ARPC1A: variants seen among roughly 807,000 people sequenced by gnomAD.
ARPC1A encodes the protein actin related protein 2/3 complex subunit 1A.
In ARPC1A, 8 loss-of-function variants were observed where a neutral mutation model predicts 46.9. That is an observed-to-expected ratio of 0.17 (90% CI 0.10 to 0.31). The LOEUF (loss-of-function observed/expected upper bound fraction) is 0.31. Ranked by LOEUF, ARPC1A falls within the 10% of genes least tolerant of loss-of-function variation. ARPC1A has a pLI of 1.00. For missense variants in ARPC1A, 286 were observed against 483.6 expected, an observed-to-expected ratio of 0.59 and a Z score of 3.83; for synonymous variants, 152 against 169.0, an observed-to-expected ratio of 0.90 and a Z score of 0.78.
chr7:99,364,041 G>A (rs1018799352), intron 9 of ARPC1A, among the ~76,000 whole-genome samples: 8 of 152,136 alleles, frequency 5.3e-5, no homozygotes, highest in South Asian at 4.1e-4. Context: ...TGCAACCTCC[G>A]CCTCCCGGGT....
intron 2 of ARPC1A, among the ~76,000 whole-genome samples, chr7:99,336,156 T>C (rs543234277): frequency 6.6e-6 from 1 of 152,338 alleles, no homozygotes; most frequent in Admixed American, 6.5e-5. Context: ...CAAGCTATCA[T>C]TGTCCTCATT....
At chr7:99,364,735 T>C (rs1027463243) in intron 9 of ARPC1A, among the ~76,000 whole-genome samples, 5 of 152,166 alleles carry the variant, frequency 3.3e-5, no homozygotes, top group African/African-American at 1.2e-4. Flanking sequence ...TATATAGATA[T>C]ATATTTATAG....
chr7:99,340,043 G>A (rs1213972887), intron 3 of ARPC1A: 1 of 455,772 alleles, frequency 2.2e-6, no homozygotes, highest in Non-Finnish European at 4.4e-6. Context: ...TGGAAAAGTT[G>A]AGATACTTTC....
In ARPC1A at chr7:99,344,519, A is replaced by G. The variant is rs772373639; in HGVS notation, c.392+4A>G. On this transcript the variant is annotated splice_donor_region_variant and intron_variant, in intron 4 of 9. Coordinates refer to ENST00000262942, the MANE Select transcript of ARPC1A (RefSeq NM_006409.4). ...ACTTTGAGTCTGAAAATGACTGGTG[A>G]GTGACATCTGAATTTTTTCTATCCC... The G allele has an allele frequency of 1.1e-5, 18 of 1,613,520 alleles. No individual in the cohort carries two copies. Among genetic ancestry groups the G allele is most frequent in the African/African-American group, 1.3e-5 (1 of 74,892 alleles).
intron 3 of ARPC1A, among the ~76,000 whole-genome samples, chr7:99,342,041 GT>G (rs887111732): frequency 6.6e-6 from 1 of 152,100 alleles, no homozygotes; most frequent in African/African-American, 2.4e-5. Flanking sequence ...TAAGAAACAT[GT>G]TTTGTTACCA....
chr7:99,338,415 T>A, intron 3 of ARPC1A, 130 bp downstream of exon 3: 27 of 517,798 alleles, frequency 5.2e-5, no homozygotes, highest in Non-Finnish European at 8.5e-5. Flanking sequence ...AGAAGGAGTA[T>A]CACTCTTTCG....
intron 2 of ARPC1A, among the ~76,000 whole-genome samples, chr7:99,333,932 T>C (rs114359989): frequency 0.089 from 13,295 of 149,744 alleles, 1,487 homozygotes; most frequent in African/African-American, 0.26. Flanking sequence ...AGCTCAAGAG[T>C]TCAAGACCAA....
intron 1 of ARPC1A, among the ~76,000 whole-genome samples, chr7:99,327,448 C>CT (rs949197365): frequency 6.6e-6 from 1 of 151,460 alleles, no homozygotes; most frequent in African/African-American, 2.4e-5. Context: ...GTAGCTGTGA[C>CT]TACAGGCATG....
intron 1 of ARPC1A, among the ~76,000 whole-genome samples, chr7:99,327,653 G>C (rs1305204676): frequency 6.6e-6 from 1 of 151,916 alleles, no homozygotes; most frequent in Non-Finnish European, 1.5e-5. Context: ...AAAGTATTCA[G>C]AGATCTTCTG....
chr7:99,333,767 A>C (rs1326566751), intron 2 of ARPC1A, among the ~76,000 whole-genome samples: 1 of 152,148 alleles, frequency 6.6e-6, no homozygotes, highest in Non-Finnish European at 1.5e-5. Context: ...CTAGTTTTCT[A>C]GCTCCAGCAA....
chr7:99,365,785 G>C, intron 9 of ARPC1A, 106 bp from the exon 10 acceptor site: 1 of 1,242,242 alleles, frequency 8.0e-7, no homozygotes, highest in Non-Finnish European at 1.1e-6. Context: ...GCCAGGTTCA[G>C]GGTGGGGACA....
intron 1 of ARPC1A, among the ~76,000 whole-genome samples, chr7:99,329,083 G>A (rs1240643725): frequency 3.9e-5 from 6 of 152,004 alleles, no homozygotes; most frequent in South Asian, 2.1e-4. Context: ...GGCGGATCAC[G>A]AGGTCAGGAT....
chr7:99,338,413 T>G (rs1584376987), intron 3 of ARPC1A, 128 bp downstream of exon 3: 1,239 of 452,454 alleles, frequency 2.7e-3, no homozygotes, highest in Non-Finnish European at 3.5e-3. Context: ...TGAGAAGGAG[T>G]ATCACTCTTT....
intron 7 of ARPC1A, among the ~76,000 whole-genome samples, chr7:99,358,949 A>G (rs1314372857): frequency 6.6e-6 from 1 of 151,952 alleles, no homozygotes; most frequent in African/African-American, 2.4e-5. Flanking sequence ...CTCCTGCCTC[A>G]GCGTCCTGAG....
At chr7:99,354,915 C>G (rs915594681) in intron 6 of ARPC1A, among the ~76,000 whole-genome samples, 5 of 151,688 alleles carry the variant, frequency 3.3e-5, no homozygotes, top group Admixed American at 6.6e-5. Context: ...GAGTTTGAGA[C>G]CAGCCTGACT....
chr7:99,353,724 C>A (rs1385470150), intron 5 of ARPC1A, among the ~76,000 whole-genome samples, 185 bp from the exon 6 acceptor site: 1 of 151,760 alleles, frequency 6.6e-6, no homozygotes, highest in Non-Finnish European at 1.5e-5. Flanking sequence ...GGTGATCCAC[C>A]CACCTAGGCC....
At chr7:99,326,427 C>G (rs1247722957) in intron 1 of ARPC1A, among the ~76,000 whole-genome samples, 1 of 152,180 alleles carries the variant, frequency 6.6e-6, no homozygotes, top group Non-Finnish European at 1.5e-5. Context: ...TGCCTGCTCT[C>G]TAGGGCAGCC....
At chr7:99,329,218 G>A (rs1021920377) in intron 1 of ARPC1A, among the ~76,000 whole-genome samples, 8 of 151,386 alleles carry the variant, frequency 5.3e-5, no homozygotes, top group African/African-American at 1.7e-4. Flanking sequence ...GGAGAATGGC[G>A]TGAACCCGGG....
Position 99,342,134 on chromosome 7 carries a change from C to T in ARPC1A, c.170-2159C>T, listed in dbSNP as rs148159399. On this transcript the variant is annotated intron_variant, in intron 3 of 9. Transcript: ENST00000262942. The stretch of plus-strand genomic sequence containing the variant: ...CCCATCACCTGCATTCCACGATTAT[C>T]GAGTAACAGCCAATCTTGTTCTTCT... Among the ~76,000 whole-genome samples, 393 of 152,280 alleles carry T rather than the reference C, an allele frequency of 2.6e-3. 3 individuals are homozygous for T. Among genetic ancestry groups the T allele is most frequent in the African/African-American group, 9.2e-3 (381 of 41,558 alleles).
Sources: allele counts gnomAD v4.1 joint callset (sites outside exome capture counted in the v4.1 genomes callset), GRCh38; gene constraint gnomAD v4.1.1; transcripts MANE v1.5; gene names NCBI Gene and HGNC (gene_info 2026-07-23, HGNC 2026-07-21).